KIAA1217: variants seen among roughly 807,000 people sequenced by gnomAD.
KIAA1217 encodes the protein sickle tail protein homolog.
KIAA1217 carries 88 observed loss-of-function variants against 163.9 expected under a neutral mutation model. That is an observed-to-expected ratio of 0.54 (90% CI 0.45 to 0.64). KIAA1217 has a LOEUF of 0.64. Ranked by LOEUF, KIAA1217 falls within the 30% of genes least tolerant of loss-of-function variation. The pLI is 0.00. For missense variants in KIAA1217, 2,372 were observed against 2,475.0 expected, an observed-to-expected ratio of 0.96 and a Z score of 0.88; for synonymous variants, 903 against 923.1, an observed-to-expected ratio of 0.98 and a Z score of 0.39.
intron 2 of KIAA1217, among the ~76,000 whole-genome samples, chr10:24,099,511 A>C (rs1006238283): frequency 6.0e-5 from 9 of 150,378 alleles, no homozygotes. Context: ...GAAGGACATT[A>C]ACTCATCCTT....
intron 1 of KIAA1217, among the ~76,000 whole-genome samples, chr10:24,000,262 C>T (rs1451009635): frequency 2.0e-5 from 3 of 152,122 alleles, no homozygotes; most frequent in Non-Finnish European, 4.4e-5. Flanking sequence ...CCCCACGTGT[C>T]GTAGGAGGAA....
chr10:23,886,793 A>T (rs1841193444), intron 1 of KIAA1217, among the ~76,000 whole-genome samples: 1 of 151,214 alleles, frequency 6.6e-6, no homozygotes. Flanking sequence ...ATTTGATAAC[A>T]AATTAGTAGT....
At chr10:23,858,491 A>G (rs1332724088) in intron 1 of KIAA1217, among the ~76,000 whole-genome samples, 1 of 152,064 alleles carries the variant, frequency 6.6e-6, no homozygotes, top group Admixed American at 6.6e-5. Context: ...ACATATAAAT[A>G]TACACACACA....
At position 24,120,705 on chromosome 10, in the gene KIAA1217, C is replaced by T. The variant is rs118011773; in HGVS notation, c.-170-98921C>T. Among the ~76,000 whole-genome samples the T allele has an allele frequency of 6.4e-4, 97 of 152,318 alleles. 3 individuals are homozygous for T. In the East Asian group the frequency reaches 0.012, roughly 19 times the overall value. Reference sequence around the variant, plus strand: ...TGCTAAATGAGAATGTGCCTTATGACTTCTTTTCCCCCAATGGAAATTGTA... The same window carrying T: ...TGCTAAATGAGAATGTGCCTTATGATTTCTTTTCCCCCAATGGAAATTGTA... On this transcript the variant is annotated intron_variant, in intron 2 of 18. Coordinates refer to the KIAA1217 transcript ENST00000376462.
At chr10:23,909,739 T>G (rs926957383) in intron 1 of KIAA1217, among the ~76,000 whole-genome samples, 11 of 152,158 alleles carry the variant, frequency 7.2e-5, no homozygotes, top group Admixed American at 5.2e-4. Flanking sequence ...TTGTGAACAG[T>G]GCCGCAATAA....
intron 1 of KIAA1217, among the ~76,000 whole-genome samples, chr10:23,867,990 A>G (rs1840275911): frequency 6.6e-6 from 1 of 152,048 alleles, no homozygotes; most frequent in African/African-American, 2.4e-5. Flanking sequence ...TTTAGGTCTA[A>G]TGTTTAAGTT....
In KIAA1217 at chr10:24,219,900, G is replaced by A. The variant is rs751102943; in HGVS notation, c.345G>A (p.Leu115=). 1 of 1,598,506 alleles carries A rather than the reference G, an allele frequency of 6.3e-7. No homozygotes were observed. Among genetic ancestry groups the A allele is most frequent in the Non-Finnish European group, 8.5e-7 (1 of 1,172,134 alleles). The stretch of plus-strand genomic sequence containing the variant: ...CAATCATGGGTCACCAAGAGAGGCT[G>A]AGAGACCAGGTACGAATATGCTCTC... ...ASAIMGHQER[L]RDQTRSPKLS... Residue 115 remains leucine, a synonymous_variant, in exon 2 of 21, where the codon CTG becomes CTA. Transcript: ENST00000376454.
chr10:24,004,890 C>T (rs1410363951), intron 1 of KIAA1217, among the ~76,000 whole-genome samples: 1 of 152,298 alleles, frequency 6.6e-6, no homozygotes, highest in East Asian at 1.9e-4. Flanking sequence ...GGGCTGTAAG[C>T]TGTGGAACCA....
chr10:23,743,563 G>A (rs1839235841), intron 1 of KIAA1217, among the ~76,000 whole-genome samples: 1 of 152,170 alleles, frequency 6.6e-6, no homozygotes, highest in Admixed American at 6.5e-5. Context: ...AAGAATAGAG[G>A]AAATGAGGGT....
intron 1 of KIAA1217, among the ~76,000 whole-genome samples, chr10:23,820,413 A>G (rs1378546570): frequency 6.6e-6 from 1 of 152,170 alleles, no homozygotes; most frequent in Non-Finnish European, 1.5e-5. Context: ...CAGTCATTCA[A>G]CCTCTCTCTA....
chr10:23,975,582 T>C (rs1006860913), intron 1 of KIAA1217, among the ~76,000 whole-genome samples: 1 of 152,160 alleles, frequency 6.6e-6, no homozygotes, highest in Admixed American at 6.5e-5. Flanking sequence ...GGAGCTCAGA[T>C]CACTTTCAAA....
intron 1 of KIAA1217, among the ~76,000 whole-genome samples, chr10:23,908,590 C>T (rs11812144): frequency 0.018 from 2,744 of 152,202 alleles, 87 homozygotes; most frequent in African/African-American, 0.06. Flanking sequence ...AGTTCTCCAA[C>T]CCAGCCCTGA....
intron 1 of KIAA1217, among the ~76,000 whole-genome samples, chr10:23,823,508 A>C (rs540937974): frequency 7.6e-4 from 115 of 152,282 alleles, no homozygotes; most frequent in Non-Finnish European, 9.3e-4. Flanking sequence ...GAATGGGCTC[A>C]CCTAGGTAAT....
At position 24,546,245 on chromosome 10, in the gene KIAA1217, C is replaced by A; in HGVS notation, c.5753C>A (p.Thr1918Asn). 6.2e-7 allele frequency: 1 copy of A among 1,614,234 alleles called. No homozygotes were observed. The highest frequency in any genetic ancestry group is 8.5e-7 in the Non-Finnish European group (1 of 1,180,046). ...QGAKGTRTIH[T>N]PSLTSYKAQN... is the part of the protein sequence containing the mutation. ...GCCAAGGGCACCAGGACCATCCATACTCCCAGCCTCACCAGCTACAAGGCA... is the reference window on the plus strand; with the variant it reads ...GCCAAGGGCACCAGGACCATCCATAATCCCAGCCTCACCAGCTACAAGGCA... The change falls in exon 21 of 21, where the codon ACT (threonine) becomes AAT (asparagine). Residue 1918 changes from threonine (T) to asparagine (N), a missense_variant. Coordinates refer to ENST00000376454, the MANE Select transcript of KIAA1217 (RefSeq NM_019590.5).
intron 2 of KIAA1217, among the ~76,000 whole-genome samples, chr10:24,351,030 C>T (rs1002933327): frequency 3.3e-5 from 5 of 150,118 alleles, no homozygotes; most frequent in Non-Finnish European, 7.4e-5. Flanking sequence ...TTACTGCAAC[C>T]TCCGCCTCCT....
intron 1 of KIAA1217, among the ~76,000 whole-genome samples, chr10:23,986,595 A>T (rs1845982336): frequency 6.6e-6 from 1 of 151,952 alleles, no homozygotes. Context: ...TTTTTTATGA[A>T]TTTTTTTGAT....
intron 2 of KIAA1217, among the ~76,000 whole-genome samples, chr10:24,169,609 G>T (rs1466151596): frequency 1.9e-4 from 13 of 68,520 alleles, no homozygotes; most frequent in African/African-American, 7.7e-4. Flanking sequence ...ATCTGGAAAA[G>T]ATGGTTGTAT....
At chr10:23,876,033 G>A (rs1444603198) in intron 1 of KIAA1217, among the ~76,000 whole-genome samples, 5 of 151,506 alleles carry the variant, frequency 3.3e-5, no homozygotes, top group Admixed American at 2.0e-4. Context: ...AACCAACGTC[G>A]CATATGTATA....
intron 1 of KIAA1217, among the ~76,000 whole-genome samples, chr10:23,908,140 G>A (rs1272971333): frequency 6.6e-6 from 1 of 152,128 alleles, no homozygotes. Flanking sequence ...AGGGAGGCAA[G>A]TGTAATTACA....
Sources: gnomAD v4.1 joint callset for allele counts (sites outside exome capture counted in the v4.1 genomes callset) on GRCh38, gnomAD v4.1.1 for gene constraint, MANE v1.5 for transcripts, NCBI Gene and HGNC (gene_info 2026-07-23, HGNC 2026-07-21) for gene names.